The following ANOS1 variants were observed in gnomAD, a reference collection of about 807,000 sequenced individuals.
The protein encoded by ANOS1 is anosmin-1.
In ANOS1, 6 loss-of-function variants were observed where a neutral mutation model predicts 59.0. The observed-to-expected ratio is 0.10, with a 90% CI of 0.06 to 0.20. The LOEUF (loss-of-function observed/expected upper bound fraction) is 0.20. Ranked by LOEUF, ANOS1 falls within the 10% of genes least tolerant of loss-of-function variation. The pLI is 1.00. For synonymous variants in ANOS1, 217 were observed against 223.4 expected (o/e 0.97, Z 0.25); for missense variants, 433 against 542.3 (o/e 0.80, Z 2.00).
intron 2 of ANOS1, among the ~76,000 whole-genome samples, chrX:8,668,430 T>TATATATACACATACATAC (rs1394731479): frequency 1.2e-5 from 1 of 80,258 alleles, no homozygotes; most frequent in Admixed American, 1.5e-4. Flanking sequence ...TATATATATA[T>TATATATACACATACATAC]ACACACACAT....
At chrX:8,544,895 C>T (rs936295043) in intron 9 of ANOS1, among the ~76,000 whole-genome samples, 110 of 107,949 alleles carry the variant, frequency 1.0e-3, no homozygotes, top group Non-Finnish European at 1.6e-3. Context: ...GGAGAAACCC[C>T]GTCTCTACTA....
chrX:8,709,920 GTTATC>G (rs1415779412), intron 1 of ANOS1, among the ~76,000 whole-genome samples: 2 of 110,653 alleles, frequency 1.8e-5, no homozygotes, highest in Non-Finnish European at 3.8e-5. Context: ...CATTATTTGT[GTTATC>G]TTATAATTTT....
chrX:8,659,944 AC>A (rs1184083997), intron 2 of ANOS1, among the ~76,000 whole-genome samples: 1 of 111,595 alleles, frequency 9.0e-6, no homozygotes, highest in African/African-American at 3.3e-5. Flanking sequence ...TTAGAGAAAA[AC>A]AAAAACAAAA....
chrX:8,602,233 G>T (rs746730873), intron 3 of ANOS1, among the ~76,000 whole-genome samples: 1 of 111,927 alleles, frequency 8.9e-6, no homozygotes, highest in African/African-American at 3.2e-5. Context: ...TGTACATAAG[G>T]TCTCTCTCCA....
In ANOS1 at chrX:8,597,143, C is replaced by T. The variant is rs184901933; in HGVS notation, c.432G>A (p.Ala144=). Residue 144 remains alanine (A), a synonymous_variant, in exon 4 of 14, where the codon GCG becomes GCA. Coordinates refer to ENST00000262648, the MANE Select transcript of ANOS1 (RefSeq NM_000216.4). ...CTTCGCAGCTTTCAACACAGGCGGC[C>T]GCAAATCCACTGGCTTTCTCAGGAG... ...CPAPEKASGF[A]AACVESCEVD... is the part of the protein sequence containing the mutation. 20 of 1,209,794 alleles carry T rather than the reference C, an allele frequency of 1.7e-5. No individual in the cohort carries two copies. The Admixed American group carries it at 2.8e-4, about 17-fold the overall frequency.
chrX:8,576,465 T>TAC (rs1569053436), intron 6 of ANOS1, among the ~76,000 whole-genome samples: 1 of 95,405 alleles, frequency 1.0e-5, no homozygotes, highest in African/African-American at 4.5e-5. Flanking sequence ...TATATATATA[T>TAC]ATACACACAC....
chrX:8,685,997 C>T (rs147214702), intron 2 of ANOS1, among the ~76,000 whole-genome samples: 1 of 112,024 alleles, frequency 8.9e-6, no homozygotes, highest in East Asian at 2.8e-4. Flanking sequence ...CCACATTTCC[C>T]ATCAGGACAA....
At chrX:8,693,087 A>C (rs1267903561) in intron 2 of ANOS1, among the ~76,000 whole-genome samples, 1 of 112,430 alleles carries the variant, frequency 8.9e-6, no homozygotes, top group African/African-American at 3.2e-5. Context: ...CATGAATTTG[A>C]ATTTCCTGTC....
chrX:8,706,568 A>G (rs1029490925), intron 1 of ANOS1, among the ~76,000 whole-genome samples: 1 of 112,206 alleles, frequency 8.9e-6, no homozygotes, highest in Middle Eastern at 4.6e-3. Context: ...TGATGTGCCA[A>G]CGTAGGTTCA....
At position 8,644,920 on chromosome X, in the gene ANOS1, T is replaced by A. The variant is rs78231325; in HGVS notation, c.256-21250A>T. ...ATGTATTCATTTACATCTTTGCTTG[T>A]AACTTCTTTTTCCCTAAAATGTACT... On this transcript the variant is annotated intron_variant, in intron 2 of 13. Transcript: ENST00000262648. Among the ~76,000 whole-genome samples, 8 of 112,216 alleles carry A rather than the reference T, an allele frequency of 7.1e-5. 1 individual carries two copies. The East Asian group carries it at 2.2e-3, about 32-fold the overall frequency.
At chrX:8,650,691 C>G (rs1388814350) in intron 2 of ANOS1, among the ~76,000 whole-genome samples, 1 of 111,563 alleles carries the variant, frequency 9.0e-6, no homozygotes, top group Non-Finnish European at 1.9e-5. Context: ...GCACTCCAGT[C>G]CAGGCAACAG....
At chrX:8,572,648 C>T (rs995047324) in intron 6 of ANOS1, among the ~76,000 whole-genome samples, 2 of 111,796 alleles carry the variant, frequency 1.8e-5, no homozygotes, top group Non-Finnish European at 3.8e-5. Context: ...GGGTATATAA[C>T]CAGTAATGAG....
intron 7 of ANOS1, among the ~76,000 whole-genome samples, chrX:8,569,759 C>A (rs978021628): frequency 8.9e-6 from 1 of 112,087 alleles, no homozygotes; most frequent in African/African-American, 3.2e-5. Flanking sequence ...GCCTTGCTAT[C>A]TTTTCATTTC....
At chrX:8,687,266 T>C (rs779175520) in intron 2 of ANOS1, among the ~76,000 whole-genome samples, 1 of 110,945 alleles carries the variant, frequency 9.0e-6, no homozygotes, top group East Asian at 2.8e-4. Flanking sequence ...CAGTGGCTTT[T>C]GGTACCACCA....
chrX:8,695,518 C>A (rs1336015280), intron 2 of ANOS1, among the ~76,000 whole-genome samples: 1 of 111,287 alleles, frequency 9.0e-6, no homozygotes, highest in African/African-American at 3.3e-5. Context: ...CTCCGGGAAT[C>A]TACTATGTAT....
At chrX:8,591,929 T>C (rs919894475) in intron 4 of ANOS1, among the ~76,000 whole-genome samples, 2 of 112,765 alleles carry the variant, frequency 1.8e-5, no homozygotes, top group Non-Finnish European at 3.7e-5. Flanking sequence ...ATCTAAATGA[T>C]TCTGTTGAAA....
intron 2 of ANOS1, among the ~76,000 whole-genome samples, chrX:8,693,465 C>T (rs1441563459): frequency 9.0e-6 from 1 of 111,246 alleles, no homozygotes; most frequent in African/African-American, 3.3e-5. Context: ...TCCCAGAGTA[C>T]CAAATAAGTT....
intron 3 of ANOS1, among the ~76,000 whole-genome samples, chrX:8,601,782 C>T (rs1601973320): frequency 1.8e-5 from 2 of 112,329 alleles, no homozygotes; most frequent in Admixed American, 1.9e-4. Flanking sequence ...CACTATTGTG[C>T]ATAGTTGGCC....
intron 2 of ANOS1, among the ~76,000 whole-genome samples, chrX:8,698,186 T>C (rs1345293199): frequency 2.7e-5 from 3 of 112,342 alleles, no homozygotes; most frequent in Non-Finnish European, 3.8e-5. Context: ...ACAAAAAGGA[T>C]TGCTTTCTTT....
Sources: allele counts gnomAD v4.1 joint callset (sites outside exome capture counted in the v4.1 genomes callset), GRCh38; gene constraint gnomAD v4.1.1; transcripts MANE v1.5; gene names NCBI Gene and HGNC (gene_info 2026-07-23, HGNC 2026-07-21).